Variants in CNTN4 observed in about 807,000 individuals in gnomAD.
CNTN4 encodes the protein contactin 4, also known as contactin-4.
A neutral mutation model predicts 122.5 loss-of-function variants in CNTN4; 77 were observed. The observed-to-expected ratio is 0.63, with a 90% CI of 0.52 to 0.76. CNTN4 has a LOEUF of 0.76. Among genes scored for constraint, CNTN4 ranks in the 30% least tolerant of loss-of-function variants. The probability of loss-of-function intolerance (pLI) is 0.00; values close to 1 mark genes in which losing one functional copy is unlikely to be tolerated. For missense variants in CNTN4, 1,256 were observed against 1,259.1 expected, an observed-to-expected ratio of 1.00 and a Z score of 0.04; for synonymous variants, 512 against 447.0, an observed-to-expected ratio of 1.15 and a Z score of -1.83.
intron 3 of CNTN4, among the ~76,000 whole-genome samples, chr3:2,366,897 C>T (rs3905853): frequency 0.72 from 109,299 of 151,928 alleles, 40,032 homozygotes; most frequent in East Asian, 0.86. Context: ...AAGAATACCA[C>T]GTTTAATATG....
chr3:2,459,096 T>C (rs1432015738), intron 3 of CNTN4, among the ~76,000 whole-genome samples: 1 of 152,182 alleles, frequency 6.6e-6, no homozygotes, highest in Non-Finnish European at 1.5e-5. Flanking sequence ...ATGAAAATTA[T>C]AGACACTTAA....
intron 2 of CNTN4, among the ~76,000 whole-genome samples, chr3:2,175,893 A>G (rs1460990640): frequency 6.6e-6 from 1 of 152,160 alleles, no homozygotes; most frequent in Admixed American, 6.5e-5. Context: ...ATTCAATGTA[A>G]ATAAAATAGT....
rs36013854 is a variant in CNTN4 at position 2,886,988 on chromosome 3, A to G, written c.756-52A>G. The stretch of plus-strand genomic sequence containing the variant: ...AGAAGGAAGCGTTTAGGTTCAGATA[A>G]AAGGTCCAGTTTTCTCTAGTTTGAT... On this transcript the variant is annotated intron_variant, in intron 9 of 24. Transcript: ENST00000418658. 0.051 allele frequency: 77,608 copies of G among 1,528,854 alleles called. 2,271 individuals are homozygous for G. Among genetic ancestry groups the G allele is most frequent in the Non-Finnish European group, 0.059 (65,099 of 1,112,226 alleles). The allele number at this position is 1,528,854 out of a possible 1,614,324, so 94.7% of individuals were successfully genotyped here.
intron 3 of CNTN4, among the ~76,000 whole-genome samples, chr3:2,414,984 G>A (rs952133578): frequency 6.6e-6 from 1 of 152,196 alleles, no homozygotes; most frequent in Admixed American, 6.5e-5. Context: ...AAATTGGGAA[G>A]CAGTTTCCTT....
At chr3:2,256,254 C>A (rs7611172) in intron 2 of CNTN4, among the ~76,000 whole-genome samples, 14,867 of 152,186 alleles carry the variant, frequency 0.098, 859 homozygotes, top group Middle Eastern at 0.15. Flanking sequence ...GAAGTCAAAT[C>A]TCTGAATAGA....
At chr3:2,325,753 A>G (rs11129102) in intron 2 of CNTN4, among the ~76,000 whole-genome samples, 53,279 of 152,154 alleles carry the variant, frequency 0.35, 10,323 homozygotes, top group East Asian at 0.8. Context: ...TTTTATTTAT[A>G]TATTTTATGT....
intron 3 of CNTN4, among the ~76,000 whole-genome samples, chr3:2,353,510 T>A (rs142523411): frequency 1.3e-5 from 2 of 152,224 alleles, no homozygotes. Flanking sequence ...AGCTATGTCC[T>A]TAAGAGCTGT....
At chr3:2,513,427 AT>A (rs113813022) in intron 3 of CNTN4, among the ~76,000 whole-genome samples, 2 of 151,820 alleles carry the variant, frequency 1.3e-5, no homozygotes, top group African/African-American at 4.8e-5. Flanking sequence ...AGGTCCAGTG[AT>A]TTTTTTTAAA....
chr3:2,736,385 G>T, intron 5 of CNTN4, 44 bp downstream of exon 5: 1 of 1,579,372 alleles, frequency 6.3e-7, no homozygotes, highest in Non-Finnish European at 8.7e-7. Context: ...TATAGTTTCT[G>T]TTATTAAAAT....
chr3:2,515,768 T>C (rs1237208852), intron 3 of CNTN4, among the ~76,000 whole-genome samples: 3 of 152,118 alleles, frequency 2.0e-5, no homozygotes, highest in African/African-American at 7.2e-5. Flanking sequence ...TTACTGCAGA[T>C]ACTGGAAAAA....
intron 3 of CNTN4, among the ~76,000 whole-genome samples, chr3:2,402,912 A>G (rs1020705755): frequency 1.2e-4 from 18 of 152,146 alleles, no homozygotes; most frequent in African/African-American, 4.1e-4. Flanking sequence ...TCTTTTGAAG[A>G]GAGGAGTGTA....
chr3:2,285,286 A>G (rs1425856804), intron 2 of CNTN4, among the ~76,000 whole-genome samples: 1 of 152,076 alleles, frequency 6.6e-6, no homozygotes, highest in Non-Finnish European at 1.5e-5. Flanking sequence ...AATAGGATTT[A>G]ATTTGATGAA....
intron 6 of CNTN4, among the ~76,000 whole-genome samples, chr3:2,761,194 T>C (rs191695949): frequency 6.6e-6 from 1 of 152,322 alleles, no homozygotes; most frequent in Admixed American, 6.5e-5. Flanking sequence ...TCTACCAGAG[T>C]ACTCTGTAAT....
chr3:2,994,219 A>T (rs1302144017), intron 14 of CNTN4, among the ~76,000 whole-genome samples: 1 of 147,534 alleles, frequency 6.8e-6, no homozygotes, highest in Non-Finnish European at 1.5e-5. Context: ...TTCTTCCTCT[A>T]ATAGCAATTT....
intron 3 of CNTN4, among the ~76,000 whole-genome samples, chr3:2,350,869 G>A (rs7615577): frequency 0.09 from 13,734 of 152,226 alleles, 1,057 homozygotes; most frequent in African/African-American, 0.21. Context: ...AAATATGCAT[G>A]AGAGAAAACT....
intron 6 of CNTN4, among the ~76,000 whole-genome samples, chr3:2,772,649 C>T (rs2149784174): frequency 6.6e-6 from 1 of 152,108 alleles, no homozygotes; most frequent in Non-Finnish European, 1.5e-5. Context: ...ATGTAAACCT[C>T]AATTATTTCA....
chr3:2,439,225 C>A (rs895609330), intron 3 of CNTN4, among the ~76,000 whole-genome samples: 2 of 152,106 alleles, frequency 1.3e-5, no homozygotes, highest in Non-Finnish European at 2.9e-5. Flanking sequence ...AAATCCACAC[C>A]ACCTGATAAC....
In CNTN4 at chr3:2,831,485, T is replaced by C. The variant is rs187847414; in HGVS notation, c.454+11904T>C. 4.6e-5 allele frequency among the ~76,000 whole-genome samples: 7 copies of C among 152,348 alleles called. No homozygotes were observed. In the East Asian group the frequency reaches 1.2e-3, roughly 25 times the overall value. ...ATGTTTAATTCAGAGACTGAGAGAA[T>C]GTTCGTGATATCTGAAGTAGGTGGT... On this transcript the variant is annotated intron_variant, in intron 7 of 24. Transcript: ENST00000418658.
chr3:2,604,863 T>A (rs890884983), intron 4 of CNTN4, among the ~76,000 whole-genome samples: 1 of 152,162 alleles, frequency 6.6e-6, no homozygotes, highest in African/African-American at 2.4e-5. Context: ...TTTCCTCTTA[T>A]AGTAAGAGCC....
Sources: allele counts gnomAD v4.1 joint callset (sites outside exome capture counted in the v4.1 genomes callset), GRCh38; gene constraint gnomAD v4.1.1; transcripts MANE v1.5; gene names NCBI Gene and HGNC (gene_info 2026-07-23, HGNC 2026-07-21).